DOCK6: variants seen among roughly 807,000 people sequenced by gnomAD.
DOCK6 encodes the protein dedicator of cytokinesis protein 6.
A neutral mutation model predicts 230.3 loss-of-function variants in DOCK6; 167 were observed. The ratio of observed to expected loss-of-function variants is 0.73; its 90% CI spans 0.64 to 0.82. DOCK6 has a LOEUF of 0.82. DOCK6 is among the 40% of genes least tolerant of loss of function. DOCK6 has a pLI of 0.00. For synonymous variants in DOCK6, 1,148 were observed against 1,185.0 expected, an observed-to-expected ratio of 0.97 and a Z score of 0.64; for missense variants, 2,598 against 2,825.8, an observed-to-expected ratio of 0.92 and a Z score of 1.83.
At position 11,217,938 on chromosome 19, in the gene DOCK6, G is replaced by A. The variant is rs1003252461; in HGVS notation, c.3551-547C>T. On this transcript the variant is annotated intron_variant, in intron 28 of 47. Coordinates refer to ENST00000294618, the MANE Select transcript of DOCK6 (RefSeq NM_020812.4). ...CTGATCTCAGCTCACTGCAACCTCCGCCCCCCAGGTTCAAGCAATTCTCCT... is the reference window on the plus strand; with the variant it reads ...CTGATCTCAGCTCACTGCAACCTCCACCCCCCAGGTTCAAGCAATTCTCCT... Among the ~76,000 whole-genome samples the A allele has an allele frequency of 4.0e-5, 6 of 151,506 alleles. No individual in the cohort carries two copies. In the East Asian group the frequency reaches 7.9e-4, roughly 20 times the overall value.
At chr19:11,240,242 C>A in intron 14 of DOCK6, 1 of 1,581,222 alleles carries the variant, frequency 6.3e-7, no homozygotes, top group South Asian at 1.2e-5. Flanking sequence ...GGCTAGAAGT[C>A]CAGCTGAGGA....
intron 31 of DOCK6, 95 bp from the exon 32 acceptor site, chr19:11,215,566 G>A (rs2079471334): frequency 7.3e-7 from 1 of 1,376,002 alleles, no homozygotes; most frequent in South Asian, 1.2e-5. Flanking sequence ...ATTCAGGTGG[G>A]CTGACCCATG....
rs761103464 is a variant in DOCK6, at chr19:11,217,109, AG to A, written c.3712-14del. ...CTGCGCGAGAAGCCTGGGGCCAGAG[AG>A]GAATCAAAGTCAATTTCCATTTTCT... On this transcript the variant is annotated splice_polypyrimidine_tract_variant and intron_variant, in intron 29 of 47. Transcript: ENST00000294618. 1.2e-5 allele frequency: 20 copies of A among 1,605,322 alleles called. No homozygotes were observed. The highest frequency in any genetic ancestry group is 1.7e-5 in the Admixed American group (1 of 57,910).
At position 11,204,078 on chromosome 19, in the gene DOCK6, C is replaced by CA; in HGVS notation, c.5235+2dup. 1 of 1,548,006 alleles carries CA rather than the reference C, an allele frequency of 6.5e-7. No homozygotes were observed. Among genetic ancestry groups the CA allele is most frequent in the South Asian group, 1.2e-5 (1 of 83,924 alleles). On this transcript the variant is annotated splice_region_variant and intron_variant, in intron 41 of 47. Coordinates refer to ENST00000294618, the MANE Select transcript of DOCK6 (RefSeq NM_020812.4). ...AGGTGGCTGTCCACCAAGGCTGACT[C>CA]ACCTCCCAGCCGGAACTCTGTGGGG...
chr19:11,235,944 G>C, intron 20 of DOCK6, 185 bp from the exon 21 acceptor site: 1 of 735,704 alleles, frequency 1.4e-6, no homozygotes, highest in Non-Finnish European at 2.0e-6. Context: ...CCAGTGGCAT[G>C]ATCTCGGCTC....
In DOCK6 at chr19:11,247,920, C is replaced by A. The variant is rs2080059868; in HGVS notation, c.806+146G>T. On this transcript the variant is annotated intron_variant, in intron 7 of 47. Transcript: ENST00000294618. The stretch of plus-strand genomic sequence containing the variant: ...CGGGATAATGAAAAAGGAAGTCTTC[C>A]TTCCCCCATAAAAGCCCATACATAG... 3 of 649,252 alleles carry A rather than the reference C, an allele frequency of 4.6e-6. No homozygotes were observed. The East Asian group carries it at 8.4e-5, about 18-fold the overall frequency. 40.2% of individuals were successfully genotyped at this position (649,252 alleles called of 1,614,324 possible).
In DOCK6 at chr19:11,213,459, C is replaced by T. The variant is rs535650946; in HGVS notation, c.4339-131G>A. The T allele has an allele frequency of 2.0e-4, 264 of 1,325,920 alleles. No homozygotes were observed. The African/African-American group carries it at 2.1e-3, about 11-fold the overall frequency. The allele number at this position is 1,325,920 out of a possible 1,614,324, so 82.1% of individuals were successfully genotyped here. A position where few individuals can be genotyped will look rare whatever the true frequency, so the allele number is the denominator to read the frequency against. On this transcript the variant is annotated intron_variant, in intron 34 of 47. Transcript: ENST00000294618. ...CTCTTTGGCCAAGTACCACTGGGTT[C>T]GGAGTCAGACCTGGGTTTAAGCCCC...
Position 11,200,729 on chromosome 19 carries a change from C to G in DOCK6, c.5926G>C (p.Asp1976His). 1 of 1,613,234 alleles carries G rather than the reference C, an allele frequency of 6.2e-7. No individual in the cohort carries two copies. Among genetic ancestry groups the G allele is most frequent in the Non-Finnish European group, 8.5e-7 (1 of 1,179,596 alleles). The stretch of plus-strand genomic sequence containing the variant: ...TTTTGCGCCTACTTCTTGCAGAAGT[C>G]CTTGAAGCAGAGCCGCAATTTGTTG... ...HHNKLRLCFK[D>H]FCKKCEDALR... is the part of the protein sequence containing the mutation. Residue 1976 changes from aspartate to histidine, a missense_variant, in exon 46 of 48, where the codon GAC becomes CAC. Transcript: ENST00000294618. The surrounding 1 kb of genome is among the most constrained non-coding windows in gnomAD (Gnocchi z 4.3).
At position 11,199,463 on chromosome 19, in the gene DOCK6, G is replaced by A. The variant is rs1329019898; in HGVS notation, c.*34C>T. On this transcript the variant is annotated 3_prime_UTR_variant, in exon 48 of 48. Transcript: ENST00000294618. ...CACAGACAGCTGAGGCCCGGGTGCT[G>A]GTTCCTCTAGGTACAGCTTTGGTCC... The A allele has an allele frequency of 6.4e-7, 1 of 1,564,930 alleles. No individual in the cohort carries two copies. Among genetic ancestry groups the A allele is most frequent in the Non-Finnish European group, 8.7e-7 (1 of 1,154,470 alleles).
rs2079317699 is a variant in DOCK6, at chr19:11,209,102, T to G, written c.4753A>C (p.Ile1585Leu). 6.2e-7 allele frequency: 1 copy of G among 1,610,922 alleles called. No individual in the cohort carries two copies. Among genetic ancestry groups the G allele is most frequent in the African/African-American group, 1.3e-5 (1 of 74,814 alleles). ...GGTGAGCCCTGGTAGCCCCGGGCAA[T>G]TCTGGAGTCCAGGTGAGGGGGGATG... ...PEMLIDLMYRIARGYQGSPDL... is the reference protein window; with the variant it reads ...PEMLIDLMYRLARGYQGSPDL... The change falls in exon 38 of 48, where the codon ATT becomes CTT. Residue 1585 changes from isoleucine to leucine, a missense_variant and splice_region_variant. Ile to Leu is a conservative substitution (Grantham distance 5). Transcript: ENST00000294618.
At position 11,250,980 on chromosome 19, in the gene DOCK6, G is replaced by C. The variant is rs45467891; in HGVS notation, c.614C>G (p.Ser205Cys). 3.1e-6 allele frequency: 5 copies of C among 1,613,900 alleles called. No homozygotes were observed. The highest frequency in any genetic ancestry group is 2.2e-5 in the East Asian group (1 of 44,866). Residue 205 changes from serine to cysteine, a missense_variant, in exon 6 of 48, where the codon TCT becomes TGT. Ser to Cys is a moderately radical substitution (Grantham distance 112, BLOSUM62 -1). Coordinates refer to ENST00000294618, the MANE Select transcript of DOCK6 (RefSeq NM_020812.4). Reference protein sequence around the residue: ...RNLAADSLLPSLLERAAPEDV... With the variant: ...RNLAADSLLPCLLERAAPEDV... ...TTCTGGGGCCGCCCGCTCTAGCAGA[G>C]AGGGCAGCAATGAGTCAGCTGCCAG... is the stretch of plus-strand genomic sequence containing the variant.
intron 22 of DOCK6, among the ~76,000 whole-genome samples, chr19:11,230,897 CAGG>C (rs944262173): frequency 5.3e-4 from 80 of 152,214 alleles, no homozygotes; most frequent in African/African-American, 1.8e-3. Context: ...CTCGCAGGAA[CAGG>C]AGGTCTGATG....
rs1358589547 is a variant in DOCK6, at chr19:11,200,293, C to T, written c.6101+15G>A. The stretch of plus-strand genomic sequence containing the variant: ...CCCTCTCTAGTCTCTAGGATGGGGG[C>T]ACTAGGTCAGGCACCTGAGGCCGGG... On this transcript the variant is annotated intron_variant, in intron 47 of 47. Transcript: ENST00000294618. The surrounding 1 kb of genome is among the most constrained non-coding windows in gnomAD (Gnocchi z 4.3). 1.9e-6 allele frequency: 3 copies of T among 1,554,396 alleles called. No homozygotes were observed. The highest frequency in any genetic ancestry group is 2.6e-6 in the Non-Finnish European group (3 of 1,149,162).
At chr19:11,209,967 CCTCACCTGTCCACCCT>C (rs1306441243) in intron 37 of DOCK6, among the ~76,000 whole-genome samples, 1 of 144,846 alleles carries the variant, frequency 6.9e-6, no homozygotes, top group Admixed American at 6.9e-5. Context: ...ACCTGCCCGC[CCTCACCTGTCCACCCT>C]CTCACCTGCC....
In DOCK6 at chr19:11,235,675, C is replaced by G. The variant is rs760166822; in HGVS notation, c.2477G>C (p.Arg826Pro). The change falls in exon 21 of 48, where the codon CGC (arginine) becomes CCC (proline). Residue 826 changes from arginine (R) to proline (P), a missense_variant. Coordinates refer to ENST00000294618, the MANE Select transcript of DOCK6 (RefSeq NM_020812.4). ...HRSLEAAQDA[R>P]GHCPQLAAYV... ...GGCAGCCAGCTGTGGGCAGTGACCG[C>G]GGGCATCCTGGGCTGCCTCCAGGCT... 1 of 1,602,372 alleles carries G rather than the reference C, an allele frequency of 6.2e-7. No individual in the cohort carries two copies. Among genetic ancestry groups the G allele is most frequent in the South Asian group, 1.1e-5 (1 of 88,614 alleles).
chr19:11,229,085 T>G, intron 22 of DOCK6, 50 bp from the exon 23 acceptor site: 1 of 1,557,362 alleles, frequency 6.4e-7, no homozygotes, highest in Non-Finnish European at 8.8e-7. Flanking sequence ...CCCCTTCCCG[T>G]ACCCCCTCTG....
At position 11,243,194 on chromosome 19, in the gene DOCK6, G is replaced by A. The variant is rs2079974491; in HGVS notation, c.1387-42C>T. ...CCCGTCAGCCTGGGCCAGGGGGCTA[G>A]GGGTCCCCAGGGCTAATGCAGCCAG... On this transcript the variant is annotated intron_variant, in intron 12 of 47. Transcript: ENST00000294618. This position sits in a 1 kb window ranked among gnomAD's most constrained non-coding sequence, Gnocchi z 6.3. The A allele has an allele frequency of 6.2e-7, 1 of 1,612,980 alleles. No homozygotes were observed. The highest frequency in any genetic ancestry group is 1.3e-5 in the African/African-American group (1 of 74,906).
At chr19:11,217,827 T>C (rs1399710251) in intron 28 of DOCK6, among the ~76,000 whole-genome samples, 1 of 151,698 alleles carries the variant, frequency 6.6e-6, no homozygotes, top group Non-Finnish European at 1.5e-5. Flanking sequence ...TGTCTGCTCC[T>C]GGAATTCACT....
chr19:11,221,597 C>T (rs1364701672), intron 28 of DOCK6: 1 of 523,320 alleles, frequency 1.9e-6, no homozygotes, highest in Non-Finnish European at 3.4e-6. Flanking sequence ...GACAATATCT[C>T]AGTACTACAG....
Sources: allele counts gnomAD v4.1 joint callset (sites outside exome capture counted in the v4.1 genomes callset), GRCh38; gene constraint gnomAD v4.1.1; non-coding constraint Gnocchi (gnomAD v3.1); transcripts MANE v1.5; gene names NCBI Gene and HGNC (gene_info 2026-07-23, HGNC 2026-07-21).